The following ATP5PO variants were observed in gnomAD, a reference collection of about 807,000 sequenced individuals.
ATP5PO encodes the protein ATP synthase peripheral stalk subunit OSCP, mitochondrial.
ATP5PO carries 14 observed loss-of-function variants against 26.2 expected under a neutral mutation model. That is an observed-to-expected ratio of 0.53 (90% CI 0.35 to 0.83). The LOEUF (loss-of-function observed/expected upper bound fraction) is 0.83, where lower values mean the gene tolerates loss of function less well. Ranked by LOEUF, ATP5PO falls within the 40% of genes least tolerant of loss-of-function variation. The pLI is 0.01. For missense variants in ATP5PO, 241 were observed against 258.5 expected, an observed-to-expected ratio of 0.93 and a Z score of 0.46; for synonymous variants, 106 against 95.1, an observed-to-expected ratio of 1.12 and a Z score of -0.67.
chr21:33,910,187 C>T (rs1280781842), intron 3 of ATP5PO, among the ~76,000 whole-genome samples: 1 of 152,194 alleles, frequency 6.6e-6, no homozygotes, highest in African/African-American at 2.4e-5. Flanking sequence ...TCAGTTAACA[C>T]ACCTCTCTAT....
At chr21:33,908,889 AC>A in intron 4 of ATP5PO, 192 bp downstream of exon 4, 1 of 564,756 alleles carries the variant, frequency 1.8e-6, no homozygotes, top group South Asian at 3.8e-5. Context: ...GATGCTCCTC[AC>A]ACTTCAATGT....
At chr21:33,914,362 T>G in intron 2 of ATP5PO, 88 bp downstream of exon 2, 1 of 1,337,728 alleles carries the variant, frequency 7.5e-7, no homozygotes. Flanking sequence ...AGATAGTAAC[T>G]ACACAAAAAT....
chr21:33,903,878 G>A (rs1448754596), intron 6 of ATP5PO, 57 bp downstream of exon 6: 1 of 1,463,288 alleles, frequency 6.8e-7, no homozygotes, highest in Admixed American at 2.0e-5. Context: ...ACTTTCTGTA[G>A]CCATTTTAAG....
intron 1 of ATP5PO, chr21:33,914,844 C>A: frequency 4.9e-6 from 1 of 205,674 alleles, no homozygotes; most frequent in East Asian, 1.2e-4. Flanking sequence ...TTAACAGACC[C>A]TTGAGCAGAT....
intron 1 of ATP5PO, 72 bp downstream of exon 1, chr21:33,915,656 G>A: frequency 6.5e-7 from 1 of 1,533,900 alleles, no homozygotes; most frequent in Non-Finnish European, 8.8e-7. Context: ...TCGCACCCTG[G>A]TGCTCGAGGT....
intron 4 of ATP5PO, 54 bp downstream of exon 4, chr21:33,909,028 A>C (rs1384881642): frequency 6.5e-7 from 1 of 1,532,634 alleles, no homozygotes; most frequent in South Asian, 1.2e-5. Context: ...TCCATGGACC[A>C]CATTTCCAGT....
Position 33,912,323 on chromosome 21 carries a change from A to G in ATP5PO, c.164T>C (p.Leu55Pro), listed in dbSNP as rs1164738211. 1.2e-6 allele frequency: 2 copies of G among 1,613,620 alleles called. No individual in the cohort carries two copies. Among genetic ancestry groups the G allele is most frequent in the Admixed American group, 1.7e-5 (1 of 60,006 alleles). ...LYSAASKQNK[L>P]EQVEKELLRV... ...CAACAACTCCTTTTCTACTTGCTCC[A>G]GCTTATTCTGTTTTGATGCAGCAGA... The change falls in exon 3 of 7, where the codon CTG becomes CCG. Residue 55 changes from leucine to proline, a missense_variant. Transcript: ENST00000290299.
intron 1 of ATP5PO, chr21:33,915,300 G>T: frequency 5.3e-6 from 1 of 189,494 alleles, no homozygotes; most frequent in Non-Finnish European, 1.1e-5. Context: ...AAACTTTTCG[G>T]CCTCATTTTA....
chr21:33,913,282 C>T (rs1024774801), intron 2 of ATP5PO, among the ~76,000 whole-genome samples: 2 of 152,152 alleles, frequency 1.3e-5, no homozygotes, highest in Non-Finnish European at 2.9e-5. Flanking sequence ...TTCCACCTGA[C>T]GTGGGCTCAT....
chr21:33,904,030 C>G lies in ATP5PO; in HGVS notation c.442-9G>C. On this transcript the variant is annotated splice_polypyrimidine_tract_variant and intron_variant, in intron 5 of 6. Coordinates refer to ENST00000290299, the MANE Select transcript of ATP5PO (RefSeq NM_001697.3). ...GTGGCTTCTTCTAAAGGCTGAAAGG[C>G]AAAACCATCCTTTCAATTTAGATAA... 3 of 1,598,150 alleles carry G rather than the reference C, an allele frequency of 1.9e-6. No homozygotes were observed. In the South Asian group the frequency reaches 3.4e-5, roughly 18 times the overall value.
intron 3 of ATP5PO, among the ~76,000 whole-genome samples, chr21:33,911,279 A>T (rs1262077263): frequency 1.3e-5 from 2 of 149,660 alleles, no homozygotes; most frequent in African/African-American, 2.5e-5. Flanking sequence ...TTTCATGTTT[A>T]AAAAAAAAAG....
chr21:33,912,069 A>G (rs1405707880), intron 3 of ATP5PO, among the ~76,000 whole-genome samples: 1 of 152,170 alleles, frequency 6.6e-6, no homozygotes, highest in South Asian at 2.1e-4. Flanking sequence ...CTTAGCCCCT[A>G]ATCTTGGTTC....
chr21:33,912,518 G>A (rs959270976), intron 2 of ATP5PO, 119 bp from the exon 3 acceptor site: 1 of 588,958 alleles, frequency 1.7e-6, no homozygotes, highest in East Asian at 3.1e-5. Context: ...ACACAAAACA[G>A]TTTAAATATG....
At chr21:33,910,985 TG>T (rs1405467548) in intron 3 of ATP5PO, among the ~76,000 whole-genome samples, 2 of 152,252 alleles carry the variant, frequency 1.3e-5, no homozygotes, top group Non-Finnish European at 2.9e-5. Flanking sequence ...GCCTATGAAT[TG>T]TTTTTTCTAA....
chr21:33,910,449 A>G (rs904866299), intron 3 of ATP5PO, among the ~76,000 whole-genome samples: 3 of 152,078 alleles, frequency 2.0e-5, no homozygotes, highest in African/African-American at 7.2e-5. Flanking sequence ...TCCTTGTATC[A>G]TCCTTCCCTC....
intron 3 of ATP5PO, among the ~76,000 whole-genome samples, chr21:33,911,652 A>G (rs60438241): frequency 1.4e-3 from 200 of 146,694 alleles, no homozygotes; most frequent in African/African-American, 4.5e-3. Flanking sequence ...CACCTAGCCC[A>G]TAAGCATAGG....
chr21:33,915,552 G>A lies in ATP5PO; in HGVS notation c.36+176C>T, dbSNP rs550102510. The A allele has an allele frequency of 4.7e-5, 45 of 948,120 alleles. No individual in the cohort carries two copies. The African/African-American group carries it at 7.5e-4, about 16-fold the overall frequency. 58.7% of individuals were successfully genotyped at this position (948,120 alleles called of 1,614,324 possible). A position where few individuals can be genotyped will look rare whatever the true frequency, so the allele number is the denominator to read the frequency against. On this transcript the variant is annotated intron_variant, in intron 1 of 6. Coordinates refer to ENST00000290299, the MANE Select transcript of ATP5PO (RefSeq NM_001697.3). ...CAGCCCCGCGCCTACTGCCCCGTAG[G>A]CATCCCGGGGGACAAACGCTGGGTC...
chr21:33,904,505 A>C (rs1480619678), intron 5 of ATP5PO, among the ~76,000 whole-genome samples: 1 of 151,880 alleles, frequency 6.6e-6, no homozygotes, highest in Non-Finnish European at 1.5e-5. Context: ...CTGGCTGTTC[A>C]TCTCCCCGCA....
chr21:33,915,758 AG>A lies in ATP5PO; in HGVS notation c.5del (p.Ala2ValfsTer27). On this transcript the variant is annotated frameshift_variant, in exon 1 of 7. Coordinates refer to ENST00000290299, the MANE Select transcript of ATP5PO (RefSeq NM_001697.3). LOFTEE classifies it high-confidence loss of function. ...GGGAGAGCCCGGACACTGCTGGGGC[AG>A]CCATCTTCTCCCGGGCGGCTGTAGG... M[A>X]APAVSGLSRQ... 1 of 1,574,822 alleles carries A rather than the reference AG, an allele frequency of 6.3e-7. No homozygotes were observed.
Sources: allele counts gnomAD v4.1 joint callset (sites outside exome capture counted in the v4.1 genomes callset), GRCh38; gene constraint gnomAD v4.1.1; transcripts MANE v1.5; gene names NCBI Gene and HGNC (gene_info 2026-07-23, HGNC 2026-07-21).